THSD7A: variants seen among roughly 807,000 people sequenced by gnomAD.
THSD7A encodes the protein thrombospondin type-1 domain-containing protein 7A.
A neutral mutation model predicts 231.3 loss-of-function variants in THSD7A; 96 were observed. The ratio of observed to expected loss-of-function variants is 0.41; its 90% CI spans 0.35 to 0.49. THSD7A has a LOEUF of 0.49. THSD7A is among the 20% of genes least tolerant of loss of function. THSD7A has a pLI of 0.05. For missense variants in THSD7A, 2,290 were observed against 2,070.2 expected, an observed-to-expected ratio of 1.11 and a Z score of -2.06; for synonymous variants, 940 against 743.3, an observed-to-expected ratio of 1.26 and a Z score of -4.30.
chr7:11,402,982 T>A (rs2115360750), intron 22 of THSD7A, among the ~76,000 whole-genome samples: 1 of 152,320 alleles, frequency 6.6e-6, no homozygotes, highest in East Asian at 1.9e-4. Context: ...GGAGTGCAAT[T>A]GCTGGGCCAT....
chr7:11,561,193 A>T (rs967756911), intron 4 of THSD7A, among the ~76,000 whole-genome samples: 3 of 152,174 alleles, frequency 2.0e-5, no homozygotes, highest in Non-Finnish European at 4.4e-5. Flanking sequence ...TTTCAATAAT[A>T]TATGTCTAGC....
intron 4 of THSD7A, among the ~76,000 whole-genome samples, chr7:11,551,560 A>T (rs748229565): frequency 6.6e-6 from 1 of 152,176 alleles, no homozygotes; most frequent in Admixed American, 6.6e-5. Flanking sequence ...ATTTTTCAAA[A>T]GAAGACATAC....
In THSD7A at chr7:11,514,138, C is replaced by T. The variant is rs550199179; in HGVS notation, c.1822+27281G>A. Among the ~76,000 whole-genome samples the T allele has an allele frequency of 7.2e-5, 11 of 152,168 alleles. No individual in the cohort carries two copies. In the East Asian group the frequency reaches 7.7e-4, roughly 11 times the overall value. On this transcript the variant is annotated intron_variant, in intron 6 of 27. Transcript: ENST00000423059. ...TGTCCCTGCTTAAATATTCCACCTC[C>T]GAGAGGCTCTCCTTGACCACTCAAA...
At chr7:11,512,577 T>A (rs9691857) in intron 6 of THSD7A, among the ~76,000 whole-genome samples, 123,838 of 151,902 alleles carry the variant, frequency 0.82, 51,044 homozygotes, top group Middle Eastern at 0.87. Context: ...CTGTGGCACA[T>A]ATACACCACA....
intron 26 of THSD7A, chr7:11,376,876 TATAA>T (rs1265214903): frequency 5.4e-6 from 2 of 369,422 alleles, no homozygotes; most frequent in Admixed American, 8.7e-5. Context: ...ACTGAAAAAT[TATAA>T]ATGTTTGACT....
At chr7:11,711,419 T>C (rs1233223190) in intron 1 of THSD7A, among the ~76,000 whole-genome samples, 1 of 151,068 alleles carries the variant, frequency 6.6e-6, no homozygotes, top group Non-Finnish European at 1.5e-5. Context: ...TCTGAAATGC[T>C]GTTTTAACCT....
chr7:11,831,752 C>T lies in THSD7A; in HGVS notation c.190+5G>A. ...ATGGGGAAAGGGTAACTCCGTCCCA[C>T]TTACCAGTCTTCCACAGATAGAGGG... is the stretch of plus-strand genomic sequence containing the variant. On this transcript the variant is annotated splice_donor_5th_base_variant and intron_variant, in intron 1 of 27. Transcript: ENST00000423059. This position sits in a 1 kb window ranked among gnomAD's most constrained non-coding sequence, Gnocchi z 5.0. The T allele has an allele frequency of 6.9e-7, 1 of 1,456,146 alleles. No homozygotes were observed. The highest frequency in any genetic ancestry group is 9.1e-7 in the Non-Finnish European group (1 of 1,100,660). The allele number at this position is 1,456,146 out of a possible 1,614,324, so 90.2% of individuals were successfully genotyped here.
intron 23 of THSD7A, 42 bp from the exon 24 acceptor site, chr7:11,382,658 C>G: frequency 7.0e-7 from 1 of 1,429,980 alleles, no homozygotes; most frequent in Non-Finnish European, 9.8e-7. Context: ...ATTCTGTTAC[C>G]CAGAAGGACA....
intron 6 of THSD7A, among the ~76,000 whole-genome samples, chr7:11,511,968 A>C (rs1418920906): frequency 6.6e-6 from 1 of 152,220 alleles, no homozygotes; most frequent in Non-Finnish European, 1.5e-5. Context: ...TCTGCACAGC[A>C]AAAGCAATTA....
intron 1 of THSD7A, among the ~76,000 whole-genome samples, chr7:11,774,922 G>C (rs977828780): frequency 3.3e-5 from 5 of 152,218 alleles, no homozygotes; most frequent in Admixed American, 3.3e-4. Flanking sequence ...GTGCGTGGTG[G>C]CATGTGCCTG....
intron 6 of THSD7A, among the ~76,000 whole-genome samples, chr7:11,511,789 TG>T (rs1461989675): frequency 3.3e-5 from 5 of 152,176 alleles, no homozygotes; most frequent in African/African-American, 1.2e-4. Flanking sequence ...TAATTCAAGA[TG>T]GATTAAAAAC....
At chr7:11,517,252 G>A (rs1788068219) in intron 6 of THSD7A, among the ~76,000 whole-genome samples, 1 of 152,022 alleles carries the variant, frequency 6.6e-6, no homozygotes, top group East Asian at 1.9e-4. Flanking sequence ...CTAAATTTTT[G>A]TATTTTTAGT....
chr7:11,558,644 A>T (rs1176812729), intron 4 of THSD7A, among the ~76,000 whole-genome samples: 1 of 152,330 alleles, frequency 6.6e-6, no homozygotes, highest in Admixed American at 6.5e-5. Flanking sequence ...CTTATGTCTC[A>T]TAAAAAAGAA....
rs530349813 is a variant in THSD7A, at chr7:11,481,903, G to A, written c.1902C>T (p.Asp634=). The change falls in exon 7 of 28, where the codon GAC becomes GAT. Residue 634 remains aspartate, a synonymous_variant. Coordinates refer to ENST00000423059, the MANE Select transcript of THSD7A (RefSeq NM_015204.3). ...PVACDAPCPK[D]CVLSTWSTWS... is the part of the protein sequence containing the mutation. ...ACGTAGACCATGTGCTGAGCACACA[G>A]TCTTTCGGGCATGGGGCATCACAGG... 8 of 1,613,792 alleles carry A rather than the reference G, an allele frequency of 5.0e-6. No individual in the cohort carries two copies. The highest frequency in any genetic ancestry group is 6.8e-6 in the Non-Finnish European group (8 of 1,179,740).
chr7:11,495,790 C>T (rs1787071844), intron 6 of THSD7A, among the ~76,000 whole-genome samples: 1 of 151,946 alleles, frequency 6.6e-6, no homozygotes, highest in Admixed American at 6.6e-5. Context: ...AAGTCTTTAC[C>T]CTGAGGGTAA....
At chr7:11,519,713 T>G (rs1242492544) in intron 6 of THSD7A, among the ~76,000 whole-genome samples, 1 of 152,232 alleles carries the variant, frequency 6.6e-6, no homozygotes, top group Admixed American at 6.5e-5. Flanking sequence ...AAACATTCGA[T>G]TATCCTGCAC....
At chr7:11,445,711 C>T (rs1784945511) in intron 13 of THSD7A, among the ~76,000 whole-genome samples, 1 of 151,960 alleles carries the variant, frequency 6.6e-6, no homozygotes, top group African/African-American at 2.4e-5. Flanking sequence ...CTCCTTACTC[C>T]CTTCCTGTGC....
chr7:11,650,603 G>A (rs2128368256), intron 1 of THSD7A, among the ~76,000 whole-genome samples: 1 of 152,122 alleles, frequency 6.6e-6, no homozygotes, highest in South Asian at 2.1e-4. Context: ...TTCTGCAGGT[G>A]TCTTGCACTA....
Position 11,371,694 on chromosome 7 carries a change from T to A in THSD7A, c.*4100A>T, listed in dbSNP as rs563251381. 6.6e-6 allele frequency: 1 copy of A among 151,066 alleles called. No homozygotes were observed. The highest frequency in any genetic ancestry group is 2.0e-4 in the East Asian group (1 of 5,110). The allele number at this position is 151,066 out of a possible 1,614,324, so 9.4% of individuals were successfully genotyped here. On this transcript the variant is annotated 3_prime_UTR_variant, in exon 28 of 28. Coordinates refer to ENST00000423059, the MANE Select transcript of THSD7A (RefSeq NM_015204.3). The stretch of plus-strand genomic sequence containing the variant: ...GACTCGAGATGGAGGCAGGAGGATA[T>A]GGGATGGTCTAAAGCAAGTGTAGGC...
Sources: allele counts gnomAD v4.1 joint callset (sites outside exome capture counted in the v4.1 genomes callset), GRCh38; gene constraint gnomAD v4.1.1; non-coding constraint Gnocchi (gnomAD v3.1); transcripts MANE v1.5; gene names NCBI Gene and HGNC (gene_info 2026-07-23, HGNC 2026-07-21).